The following TRIO variants were observed in gnomAD, a reference collection of about 807,000 sequenced individuals.
The protein encoded by TRIO is trio Rho guanine nucleotide exchange factor.
In TRIO, 58 loss-of-function variants were observed where a neutral mutation model predicts 351.9. The ratio of observed to expected loss-of-function variants is 0.16; its 90% confidence interval spans 0.13 to 0.21. The LOEUF is 0.21. Ranked by LOEUF, TRIO falls within the 10% of genes least tolerant of loss-of-function variation. The pLI, the probability that TRIO is intolerant of heterozygous loss-of-function variation, is 1.00. For missense variants in TRIO, 3,201 were observed against 4,027.8 expected (o/e 0.79, Z 5.56); for synonymous variants, 1,758 against 1,595.7 (o/e 1.10, Z -2.42).
At chr5:14,275,956 A>G (rs1234242457) in intron 2 of TRIO, among the ~76,000 whole-genome samples, 2 of 148,152 alleles carry the variant, frequency 1.3e-5, no homozygotes, top group Non-Finnish European at 3.0e-5. Context: ...ATATACATAT[A>G]TATACATATA....
At chr5:14,289,372 C>A (rs1251452760) in intron 4 of TRIO, among the ~76,000 whole-genome samples, 1 of 151,680 alleles carries the variant, frequency 6.6e-6, no homozygotes, top group African/African-American at 2.4e-5. Context: ...GCAACAAGAG[C>A]AAAACCCTGT....
At chr5:14,241,203 A>G (rs1156977598) in intron 1 of TRIO, among the ~76,000 whole-genome samples, 1 of 152,170 alleles carries the variant, frequency 6.6e-6, no homozygotes, top group Admixed American at 6.5e-5. Flanking sequence ...TTTTTCCCAT[A>G]TGAACTACAA....
At chr5:14,406,460 C>A in intron 32 of TRIO, 113 bp from the exon 33 acceptor site, 1 of 959,816 alleles carries the variant, frequency 1.0e-6, no homozygotes, top group Non-Finnish European at 1.7e-6. Flanking sequence ...CGCATCCTGG[C>A]AGCAGCAGGC....
chr5:14,152,695 C>A lies in TRIO; in HGVS notation c.157+8813C>A, dbSNP rs545374866. 6.6e-4 allele frequency among the ~76,000 whole-genome samples: 100 copies of A among 152,306 alleles called. 1 individual carries two copies. Among genetic ancestry groups the A allele is most frequent in the South Asian group, 2.5e-3 (12 of 4,820 alleles). On this transcript the variant is annotated intron_variant, in intron 1 of 56. Transcript: ENST00000344204. ...TTCACGCTTTTTAAGAGTCACTTCA[C>A]CTCCATCTAAATTTTGTTGCACTTA...
chr5:14,173,814 A>C (rs1425753527), intron 1 of TRIO, among the ~76,000 whole-genome samples: 1 of 152,190 alleles, frequency 6.6e-6, no homozygotes, highest in African/African-American at 2.4e-5. Context: ...AAGAGCACAG[A>C]GGTTTGCTTT....
intron 11 of TRIO, among the ~76,000 whole-genome samples, 153 bp from the exon 12 acceptor site, chr5:14,358,025 G>GTCCT (rs997973132): frequency 5.9e-5 from 9 of 151,960 alleles, no homozygotes; most frequent in Non-Finnish European, 8.8e-5. Flanking sequence ...CCTCCCTCCC[G>GTCCT]TCCTTCCTTC....
intron 34 of TRIO, among the ~76,000 whole-genome samples, chr5:14,422,386 A>G (rs1392243770): frequency 6.6e-6 from 1 of 152,170 alleles, no homozygotes; most frequent in African/African-American, 2.4e-5. Context: ...GTGTCTCTAC[A>G]TTTTCACAAC....
rs541890648 is a variant in TRIO, at chr5:14,372,411, A to G, written c.3217-1818A>G. Reference sequence around the variant, plus strand: ...ATTGATCAGTGGTTCAAGTACGGTCAGTGCAGTTCATCCCTCTGTACTTCC... The same window carrying G: ...ATTGATCAGTGGTTCAAGTACGGTCGGTGCAGTTCATCCCTCTGTACTTCC... On this transcript the variant is annotated intron_variant, in intron 18 of 56. Transcript: ENST00000344204. Among the ~76,000 whole-genome samples the G allele has an allele frequency of 3.3e-5, 5 of 152,278 alleles. No individual in the cohort carries two copies. In the South Asian group the frequency reaches 1.0e-3, roughly 32 times the overall value.
At chr5:14,243,940 C>G (rs2152238477) in intron 1 of TRIO, among the ~76,000 whole-genome samples, 1 of 152,338 alleles carries the variant, frequency 6.6e-6, no homozygotes, top group Admixed American at 6.5e-5. Context: ...ATATGCAGGG[C>G]CATGCCTGGC....
At chr5:14,154,933 G>A (rs571317082) in intron 1 of TRIO, among the ~76,000 whole-genome samples, 1 of 152,252 alleles carries the variant, frequency 6.6e-6, no homozygotes, top group East Asian at 1.9e-4. Context: ...AGGATTAAAA[G>A]GATTGGCCTT....
intron 1 of TRIO, among the ~76,000 whole-genome samples, chr5:14,187,764 C>T (rs1030220131): frequency 6.6e-6 from 1 of 151,908 alleles, no homozygotes; most frequent in Non-Finnish European, 1.5e-5. Flanking sequence ...TTAGGTGTTG[C>T]GTTCTGTGGA....
rs1300605466 is a variant in TRIO at position 14,291,039 on chromosome 5, C to A, written c.864C>A (p.Ser288Arg). 6.2e-7 allele frequency: 1 copy of A among 1,614,198 alleles called. No homozygotes were observed. Among genetic ancestry groups the A allele is most frequent in the South Asian group, 1.1e-5 (1 of 91,080 alleles). The change falls in exon 5 of 57, where the codon AGC becomes AGA. Residue 288 changes from serine to arginine, a missense_variant. By Grantham distance (110) the Ser-to-Arg change is moderately radical. Transcript: ENST00000344204. ...EGQKLLQRIQ[S>R]SESFPKKNSG... is the part of the protein sequence containing the mutation. ...AGAAGCTGCTTCAGAGGATACAGAG[C>A]AGTGAAAGCTTTCCCAAAAAGAACT...
intron 17 of TRIO, 78 bp from the exon 18 acceptor site, chr5:14,369,296 G>A (rs768540746): frequency 2.2e-5 from 33 of 1,509,796 alleles, no homozygotes; most frequent in East Asian, 4.6e-5. Flanking sequence ...CCCAGAGCCC[G>A]ACTGAAAGGG....
chr5:14,295,698 G>C (rs1285319856), intron 6 of TRIO, among the ~76,000 whole-genome samples: 1 of 152,216 alleles, frequency 6.6e-6, no homozygotes, highest in East Asian at 1.9e-4. Flanking sequence ...GGAAAAGAGA[G>C]AAAGAATGCA....
At chr5:14,225,030 C>A (rs1792898967) in intron 1 of TRIO, among the ~76,000 whole-genome samples, 1 of 152,140 alleles carries the variant, frequency 6.6e-6, no homozygotes, top group Non-Finnish European at 1.5e-5. Flanking sequence ...AACTCCTGAG[C>A]AGTTTCTGTT....
At chr5:14,159,665 C>T (rs186106167) in intron 1 of TRIO, among the ~76,000 whole-genome samples, 110 of 151,766 alleles carry the variant, frequency 7.2e-4, no homozygotes, top group African/African-American at 2.5e-3. Flanking sequence ...ATCTCCTGAG[C>T]GATACTCCTG....
chr5:14,344,621 G>A (rs562809147), intron 11 of TRIO, among the ~76,000 whole-genome samples: 3 of 152,212 alleles, frequency 2.0e-5, no homozygotes, highest in Admixed American at 6.5e-5. Context: ...TCCTGACCCC[G>A]ATTGTAACAT....
intron 37 of TRIO, among the ~76,000 whole-genome samples, chr5:14,467,153 T>G (rs1334714813): frequency 6.6e-6 from 1 of 152,242 alleles, no homozygotes; most frequent in African/African-American, 2.4e-5. Flanking sequence ...GTTTCCCATA[T>G]TTCTCTGAAC....
chr5:14,489,867 A>C (rs1167964626), intron 48 of TRIO, among the ~76,000 whole-genome samples: 1 of 152,148 alleles, frequency 6.6e-6, no homozygotes, highest in African/African-American at 2.4e-5. Context: ...ACTTGTTCTC[A>C]TGTGGCAGGG....
Sources: allele counts gnomAD v4.1 joint callset (sites outside exome capture counted in the v4.1 genomes callset), GRCh38; gene constraint gnomAD v4.1.1; transcripts MANE v1.5; gene names NCBI Gene and HGNC (gene_info 2026-07-23, HGNC 2026-07-21).